Variants in GALNT14 observed in about 807,000 individuals in gnomAD.
GALNT14 encodes polypeptide N-acetylgalactosaminyltransferase 14, also known as UDP-GalNAc:polypeptide N-acetylgalactosaminyltransferase 14.
In GALNT14, 60 loss-of-function variants were observed where a neutral mutation model predicts 77.5. The observed-to-expected ratio is 0.77, with a 90% CI of 0.63 to 0.96. The LOEUF is 0.96. GALNT14 is among the 40% of genes least tolerant of loss of function. The probability of loss-of-function intolerance (pLI) is 0.00; values close to 1 mark genes in which losing one functional copy is unlikely to be tolerated. For missense variants in GALNT14, 710 were observed against 731.0 expected (o/e 0.97, Z 0.33); for synonymous variants, 280 against 281.7 (o/e 0.99, Z 0.06).
At chr2:30,968,155 C>A (rs1668124466) in intron 2 of GALNT14, among the ~76,000 whole-genome samples, 2 of 152,236 alleles carry the variant, frequency 1.3e-5, no homozygotes, top group Admixed American at 1.3e-4. Context: ...AAGGCCCATG[C>A]CCTTGTCCAT....
intron 1 of GALNT14, among the ~76,000 whole-genome samples, chr2:31,106,213 A>G (rs1186552601): frequency 6.6e-6 from 1 of 152,190 alleles, no homozygotes; most frequent in Non-Finnish European, 1.5e-5. Flanking sequence ...CAACATTTAG[A>G]TTTAAGTCTT....
chr2:31,046,907 T>C (rs909005351), intron 1 of GALNT14, among the ~76,000 whole-genome samples: 1 of 152,210 alleles, frequency 6.6e-6, no homozygotes, highest in Middle Eastern at 3.2e-3. Context: ...ATTCAGTCTT[T>C]GAAATGTTCC....
intron 3 of GALNT14, among the ~76,000 whole-genome samples, chr2:30,964,494 C>T (rs80205804): frequency 5.3e-5 from 8 of 152,304 alleles, no homozygotes; most frequent in Non-Finnish European, 8.8e-5. Context: ...TAATCTACCC[C>T]GAGACTCCCG....
chr2:31,019,619 G>A (rs371065131), intron 1 of GALNT14, among the ~76,000 whole-genome samples: 1 of 152,196 alleles, frequency 6.6e-6, no homozygotes, highest in African/African-American at 2.4e-5. Flanking sequence ...GGGAACCAGG[G>A]TTTCTCATGG....
At chr2:30,902,343 C>G in the GALNT14 span, among the ~76,000 whole-genome samples, 4 of 152,302 alleles carry the variant, frequency 2.6e-5, no homozygotes, top group Admixed American at 2.6e-4. Flanking sequence ...CCTATTTGCA[C>G]CATCAGAGTT....
downstream of GALNT14, chr2:30,910,367 T>TTTGTCCACTCTGCCACAGGTGCCCCC (rs1386818393): frequency 6.6e-6 from 1 of 152,456 alleles, no homozygotes; most frequent in Admixed American, 6.5e-5. Context: ...CCCTGTCTTC[T>TTTGTCCACTCTGCCACAGGTGCCCCC]TTGTCCACTC....
In GALNT14 at chr2:31,046,787, T is replaced by A. The variant is rs574045169; in HGVS notation, c.130-53780A>T. Among the ~76,000 whole-genome samples the A allele has an allele frequency of 1.1e-3, 163 of 152,212 alleles. 1 individual carries two copies. Among genetic ancestry groups the A allele is most frequent in the Non-Finnish European group, 1.7e-3 (113 of 67,990 alleles). ...CAAATCTAATTTCGTTTTCCAGGTCTCCCCAGTGCCCACCATTCTTCACTG... is the reference window on the plus strand; with the variant it reads ...CAAATCTAATTTCGTTTTCCAGGTCACCCCAGTGCCCACCATTCTTCACTG... On this transcript the variant is annotated intron_variant, in intron 1 of 14. Coordinates refer to ENST00000349752, the MANE Select transcript of GALNT14 (RefSeq NM_024572.4).
At chr2:31,126,410 G>A (rs1159556456) in intron 1 of GALNT14, among the ~76,000 whole-genome samples, 1 of 152,116 alleles carries the variant, frequency 6.6e-6, no homozygotes, top group Non-Finnish European at 1.5e-5. Flanking sequence ...CTAGATCCCT[G>A]GCTTACTTAT....
At chr2:30,969,211 C>T (rs1198149600) in intron 2 of GALNT14, among the ~76,000 whole-genome samples, 2 of 152,248 alleles carry the variant, frequency 1.3e-5, no homozygotes, top group East Asian at 1.9e-4. Flanking sequence ...ACTCAGCAGC[C>T]TGCCACCACC....
At chr2:31,091,970 G>T (rs996309881) in intron 1 of GALNT14, among the ~76,000 whole-genome samples, 1 of 152,122 alleles carries the variant, frequency 6.6e-6, no homozygotes, top group Admixed American at 6.5e-5. Context: ...GAAGAAGGTG[G>T]AAGGAGCCAA....
intron 1 of GALNT14, among the ~76,000 whole-genome samples, chr2:31,058,716 C>A (rs141264180): frequency 2.0e-5 from 3 of 152,178 alleles, no homozygotes; most frequent in Non-Finnish European, 2.9e-5. Context: ...CATGCACAGA[C>A]CTTTCATACA....
intron 1 of GALNT14, among the ~76,000 whole-genome samples, chr2:31,020,430 C>G (rs1358028220): frequency 6.6e-6 from 1 of 152,162 alleles, no homozygotes; most frequent in African/African-American, 2.4e-5. Context: ...TCCCTGGTCC[C>G]CCTCAGGAAA....
intron 8 of GALNT14, among the ~76,000 whole-genome samples, chr2:30,944,164 G>C (rs1372045702): frequency 1.3e-5 from 2 of 152,158 alleles, no homozygotes; most frequent in Non-Finnish European, 2.9e-5. Flanking sequence ...CTGTCCAGTA[G>C]GTAGGACACC....
At chr2:31,056,598 A>G (rs556285559) in intron 1 of GALNT14, among the ~76,000 whole-genome samples, 1 of 152,280 alleles carries the variant, frequency 6.6e-6, no homozygotes, top group East Asian at 1.9e-4. Flanking sequence ...TTTCGTGTGC[A>G]CCTGCCATGG....
At chr2:30,961,947 C>T (rs554420698) in intron 3 of GALNT14, among the ~76,000 whole-genome samples, 1 of 152,212 alleles carries the variant, frequency 6.6e-6, no homozygotes, top group African/African-American at 2.4e-5. Context: ...CACACCTTGG[C>T]CTCCCAAAAT....
At chr2:31,041,458 G>A (rs2148500325) in intron 1 of GALNT14, among the ~76,000 whole-genome samples, 1 of 152,200 alleles carries the variant, frequency 6.6e-6, no homozygotes, top group Non-Finnish European at 1.5e-5. Context: ...GCAGGCCAGG[G>A]GAGATGAAGA....
intron 1 of GALNT14, among the ~76,000 whole-genome samples, chr2:30,997,976 T>C (rs1200286939): frequency 1.3e-5 from 2 of 152,172 alleles, no homozygotes; most frequent in Admixed American, 6.5e-5. Flanking sequence ...ACTCTCTACT[T>C]CTCTGAGTTT....
At chr2:31,136,201 C>G (rs1242832316) in intron 1 of GALNT14, among the ~76,000 whole-genome samples, 2 of 152,050 alleles carry the variant, frequency 1.3e-5, no homozygotes, top group Non-Finnish European at 2.9e-5. Context: ...CTGCCTGACC[C>G]TCTCCAAGAG....
intron 1 of GALNT14, among the ~76,000 whole-genome samples, chr2:31,088,221 G>A (rs1044052152): frequency 6.6e-6 from 1 of 152,190 alleles, no homozygotes; most frequent in African/African-American, 2.4e-5. Context: ...GGAACATGAT[G>A]GGGACATGAT....
Sources: gnomAD v4.1 joint callset for allele counts (sites outside exome capture counted in the v4.1 genomes callset) on GRCh38, gnomAD v4.1.1 for gene constraint, MANE v1.5 for transcripts, NCBI Gene and HGNC (gene_info 2026-07-23, HGNC 2026-07-21) for gene names.